Variants in DENND1A observed in about 807,000 individuals in gnomAD.
DENND1A encodes DENN domain containing 1A, also known as DENN domain-containing protein 1A.
A neutral mutation model predicts 113.7 loss-of-function variants in DENND1A; 51 were observed. The observed-to-expected ratio is 0.45, with a 90% CI of 0.36 to 0.57. The LOEUF (loss-of-function observed/expected upper bound fraction) is 0.57. DENND1A is among the 20% of genes least tolerant of loss of function. DENND1A has a pLI of 0.00. For synonymous variants in DENND1A, 565 were observed against 570.8 expected (o/e 0.99, Z 0.14); for missense variants, 1,258 against 1,395.9 (o/e 0.90, Z 1.57).
At chr9:123,920,433 C>T (rs1856022363) in intron 1 of DENND1A, among the ~76,000 whole-genome samples, 1 of 152,074 alleles carries the variant, frequency 6.6e-6, no homozygotes, top group African/African-American at 2.4e-5. Context: ...CTGTCACACA[C>T]ACACAAAAAA....
At chr9:123,824,633 A>T (rs1262121816) in intron 2 of DENND1A, among the ~76,000 whole-genome samples, 1 of 152,156 alleles carries the variant, frequency 6.6e-6, no homozygotes, top group Non-Finnish European at 1.5e-5. Context: ...TATTTTTCCA[A>T]ATGGGTGTTT....
At position 123,671,283 on chromosome 9, in the gene DENND1A, C is replaced by G; in HGVS notation, c.453+8G>C. 6.2e-7 allele frequency: 1 copy of G among 1,613,886 alleles called. No individual in the cohort carries two copies. The highest frequency in any genetic ancestry group is 8.5e-7 in the Non-Finnish European group (1 of 1,179,954). ...TTTCAGTGATGGCTAATACTCCGCCCCACTTACCACGCTGAGATGGACAGA... is the reference window on the plus strand; with the variant it reads ...TTTCAGTGATGGCTAATACTCCGCCGCACTTACCACGCTGAGATGGACAGA... On this transcript the variant is annotated splice_region_variant and intron_variant, in intron 7 of 23. Transcript: ENST00000394215.
At chr9:123,486,730 C>T (rs940867109) in intron 13 of DENND1A, among the ~76,000 whole-genome samples, 5 of 152,206 alleles carry the variant, frequency 3.3e-5, no homozygotes, top group African/African-American at 1.2e-4. Flanking sequence ...AACTCCTCAC[C>T]CCCACCTCAT....
intron 5 of DENND1A, among the ~76,000 whole-genome samples, chr9:123,702,077 A>AC (rs2065915548): frequency 6.6e-6 from 1 of 152,232 alleles, no homozygotes; most frequent in Admixed American, 6.5e-5. Context: ...ATAATAAGTG[A>AC]CCAGAATTAG....
chr9:123,557,450 A>G (rs2057483769), intron 13 of DENND1A, 120 bp downstream of exon 13: 2 of 1,460,156 alleles, frequency 1.4e-6, no homozygotes, highest in Non-Finnish European at 1.8e-6. Context: ...CCACAAACAC[A>G]CACAAGCTCT....
chr9:123,742,968 C>T (rs1255376082), intron 5 of DENND1A, among the ~76,000 whole-genome samples: 1 of 152,112 alleles, frequency 6.6e-6, no homozygotes, highest in African/African-American at 2.4e-5. Flanking sequence ...GTCATTTCTC[C>T]CCCTGAAAAA....
At chr9:123,854,471 G>A (rs1448684863) in intron 2 of DENND1A, among the ~76,000 whole-genome samples, 1 of 152,112 alleles carries the variant, frequency 6.6e-6, no homozygotes, top group East Asian at 1.9e-4. Flanking sequence ...CGAGGTGGGT[G>A]GATCACCTGA....
At chr9:123,486,351 A>G (rs2050864786) in intron 13 of DENND1A, among the ~76,000 whole-genome samples, 1 of 152,078 alleles carries the variant, frequency 6.6e-6, no homozygotes, top group Non-Finnish European at 1.5e-5. Flanking sequence ...CTTAGATGCC[A>G]GCGCTGTGGG....
intron 13 of DENND1A, among the ~76,000 whole-genome samples, chr9:123,549,883 A>T (rs1202880920): frequency 1.3e-5 from 2 of 152,184 alleles, no homozygotes; most frequent in Non-Finnish European, 2.9e-5. Context: ...TGCTGTTTTG[A>T]TTTTACTACT....
At chr9:123,862,872 C>T (rs1344138738) in intron 2 of DENND1A, among the ~76,000 whole-genome samples, 3 of 152,166 alleles carry the variant, frequency 2.0e-5, no homozygotes, top group East Asian at 1.9e-4. Flanking sequence ...CTGATGCAGC[C>T]ATGAAAAACT....
At chr9:123,609,933 AAAG>A (rs1471389335) in intron 10 of DENND1A, among the ~76,000 whole-genome samples, 11 of 152,258 alleles carry the variant, frequency 7.2e-5, no homozygotes, top group Non-Finnish European at 1.6e-4. Flanking sequence ...AATGTGTTTC[AAAG>A]AAGAATATTT....
Position 123,412,798 on chromosome 9 carries a change from TC to T in DENND1A, c.1489-970del, listed in dbSNP as rs2044415709. ...GACCCACAGCAATCCCCGGGAGGCT[TC>T]CGGTTGTTTCCTGCCCATTCCGTCA... On this transcript the variant is annotated intron_variant, in intron 19 of 23. Coordinates refer to ENST00000394215, the MANE Select transcript of DENND1A (RefSeq NM_001352964.2). 3.9e-5 allele frequency among the ~76,000 whole-genome samples: 6 copies of T among 152,234 alleles called. No homozygotes were observed. The South Asian group carries it at 1.2e-3, about 32-fold the overall frequency.
intron 2 of DENND1A, among the ~76,000 whole-genome samples, chr9:123,836,201 T>C (rs2489161): frequency 0.087 from 13,184 of 152,162 alleles, 979 homozygotes; most frequent in African/African-American, 0.2. Flanking sequence ...TGAACAAAAT[T>C]TACCTCAGTA....
chr9:123,878,800 T>TA (rs1847894198), intron 2 of DENND1A, 151 bp downstream of exon 2: 1 of 671,644 alleles, frequency 1.5e-6, no homozygotes, highest in Non-Finnish European at 2.5e-6. Flanking sequence ...CCATTCTTCC[T>TA]AGGATAATGT....
intron 13 of DENND1A, among the ~76,000 whole-genome samples, chr9:123,497,816 A>AAG (rs1455626156): frequency 6.7e-6 from 1 of 150,034 alleles, no homozygotes; most frequent in Non-Finnish European, 1.5e-5. Context: ...TTCCATCCAA[A>AAG]AAAAAAAAAA....
intron 2 of DENND1A, among the ~76,000 whole-genome samples, chr9:123,822,291 C>T (rs1406093944): frequency 6.6e-6 from 1 of 152,138 alleles, no homozygotes; most frequent in Admixed American, 6.5e-5. Flanking sequence ...ACTACCATCA[C>T]TATAAACTTT....
rs142355669 is a variant in DENND1A at position 123,644,561 on chromosome 9, G to A, written c.618+7452C>T. On this transcript the variant is annotated intron_variant, in intron 9 of 23. Coordinates refer to ENST00000394215, the MANE Select transcript of DENND1A (RefSeq NM_001352964.2). ...GTGGGGTGGCTATTCCTAACAACATGCCTCTGGCTCCTGTGACAGTTCCCG... is the reference window on the plus strand; with the variant it reads ...GTGGGGTGGCTATTCCTAACAACATACCTCTGGCTCCTGTGACAGTTCCCG... Among the ~76,000 whole-genome samples, 6 of 152,210 alleles carry A rather than the reference G, an allele frequency of 3.9e-5. No individual in the cohort carries two copies. In the East Asian group the frequency reaches 9.6e-4, roughly 24 times the overall value.
At chr9:123,838,381 G>A (rs561480098) in intron 2 of DENND1A, among the ~76,000 whole-genome samples, 3 of 152,112 alleles carry the variant, frequency 2.0e-5, no homozygotes, top group Non-Finnish European at 4.4e-5. Context: ...TATATAATAT[G>A]TATATACATA....
intron 13 of DENND1A, among the ~76,000 whole-genome samples, chr9:123,462,667 C>G (rs538649923): frequency 2.0e-3 from 297 of 152,266 alleles, no homozygotes; most frequent in African/African-American, 6.9e-3. Context: ...CGTGTTGGCG[C>G]ACGCCTGTAA....
Sources: gnomAD v4.1 joint callset for allele counts (sites outside exome capture counted in the v4.1 genomes callset) on GRCh38, gnomAD v4.1.1 for gene constraint, MANE v1.5 for transcripts, NCBI Gene and HGNC (gene_info 2026-07-23, HGNC 2026-07-21) for gene names.